Variants in SCHIP1 observed in about 807,000 individuals in gnomAD.
The protein encoded by SCHIP1 is schwannomin-interacting protein 1.
SCHIP1 carries 8 observed loss-of-function variants against 29.7 expected under a neutral mutation model. The ratio of observed to expected loss-of-function variants is 0.27; its 90% CI spans 0.16 to 0.49. The LOEUF is 0.49. Among genes scored for constraint, SCHIP1 ranks in the 20% least tolerant of loss-of-function variants. SCHIP1 has a pLI of 0.99. For missense variants in SCHIP1, 193 were observed against 294.6 expected (o/e 0.66, Z 2.52); for synonymous variants, 76 against 94.9 (o/e 0.80, Z 1.16).
the SCHIP1 span, among the ~76,000 whole-genome samples, chr3:159,610,315 T>A: frequency 6.6e-6 from 1 of 152,234 alleles, no homozygotes; most frequent in African/African-American, 2.4e-5. Context: ...TAGGAACCGT[T>A]GACTGACAGC....
At chr3:159,721,249 G>A in the SCHIP1 span, among the ~76,000 whole-genome samples, 1 of 152,326 alleles carries the variant, frequency 6.6e-6, no homozygotes, top group East Asian at 1.9e-4. Context: ...AAGAACAAAT[G>A]TTAAGAGAAA....
At chr3:159,344,520 T>C in the SCHIP1 span, among the ~76,000 whole-genome samples, 1 of 152,156 alleles carries the variant, frequency 6.6e-6, no homozygotes, top group African/African-American at 2.4e-5. Context: ...TGTCTGTTGA[T>C]CTTTCTCCCC....
At chr3:159,769,402 C>T in the SCHIP1 span, among the ~76,000 whole-genome samples, 1 of 152,184 alleles carries the variant, frequency 6.6e-6, no homozygotes, top group South Asian at 2.1e-4. Context: ...TCCTCCATGT[C>T]TAGCCTGTTC....
chr3:159,793,456 C>T, the SCHIP1 span, among the ~76,000 whole-genome samples: 13 of 152,080 alleles, frequency 8.5e-5, no homozygotes, highest in Admixed American at 5.2e-4. Flanking sequence ...ACAAACTTGG[C>T]GGGTTAAAAC....
At chr3:159,468,834 T>C in the SCHIP1 span, among the ~76,000 whole-genome samples, 1 of 149,900 alleles carries the variant, frequency 6.7e-6, no homozygotes, top group Admixed American at 6.7e-5. Context: ...TAGTGTGATC[T>C]CAGCTCACTG....
the SCHIP1 span, among the ~76,000 whole-genome samples, chr3:159,286,349 T>G: frequency 1.3e-5 from 2 of 152,194 alleles, no homozygotes; most frequent in Admixed American, 6.5e-5. Flanking sequence ...CCTGTGTTAC[T>G]TCACTTAGGA....
the SCHIP1 span, among the ~76,000 whole-genome samples, chr3:159,590,554 C>A: frequency 6.6e-6 from 1 of 151,144 alleles, no homozygotes; most frequent in African/African-American, 2.5e-5. Context: ...CCAGCCTGGG[C>A]AACAAAGCGA....
the SCHIP1 span, among the ~76,000 whole-genome samples, chr3:159,298,348 A>G: frequency 6.6e-6 from 1 of 152,220 alleles, no homozygotes; most frequent in African/African-American, 2.4e-5. Flanking sequence ...TTTTATCACA[A>G]ATCAACCATA....
the SCHIP1 span, among the ~76,000 whole-genome samples, chr3:159,751,608 G>C: frequency 6.6e-6 from 1 of 151,354 alleles, no homozygotes; most frequent in African/African-American, 2.4e-5. Flanking sequence ...GCAGTGGCAG[G>C]ATCTCGGCTC....
chr3:159,589,285 C>T, the SCHIP1 span, among the ~76,000 whole-genome samples: 4 of 152,122 alleles, frequency 2.6e-5, no homozygotes, highest in African/African-American at 4.8e-5. Flanking sequence ...TGGATAAGAA[C>T]GCTTGTGATT....
the SCHIP1 span, among the ~76,000 whole-genome samples, chr3:159,382,942 T>A: frequency 2.7e-5 from 4 of 150,696 alleles, no homozygotes; most frequent in East Asian, 1.9e-4. Context: ...TTGCCCACTT[T>A]TTGATGGGGT....
chr3:159,392,794 G>A, the SCHIP1 span, among the ~76,000 whole-genome samples: 2 of 152,102 alleles, frequency 1.3e-5, no homozygotes, highest in Non-Finnish European at 2.9e-5. Flanking sequence ...TGTCTTTATA[G>A]CAGCATGATT....
At chr3:159,814,228 A>C in the SCHIP1 span, among the ~76,000 whole-genome samples, 6 of 152,170 alleles carry the variant, frequency 3.9e-5, no homozygotes, top group Non-Finnish European at 7.4e-5. Context: ...GCTTGGATCC[A>C]CTTTGAACGC....
chr3:159,634,294 G>A, the SCHIP1 span, among the ~76,000 whole-genome samples: 4 of 152,054 alleles, frequency 2.6e-5, no homozygotes, highest in Non-Finnish European at 5.9e-5. Flanking sequence ...AAGAGGGTTA[G>A]TTTACTTTTA....
the SCHIP1 span, among the ~76,000 whole-genome samples, chr3:159,510,586 C>T: frequency 9.9e-5 from 15 of 152,082 alleles, no homozygotes; most frequent in African/African-American, 3.1e-4. Context: ...GTTTTTTCCC[C>T]ATCTTTGTGG....
the SCHIP1 span, among the ~76,000 whole-genome samples, chr3:159,471,834 G>A: frequency 2.0e-5 from 3 of 152,050 alleles, no homozygotes; most frequent in African/African-American, 4.8e-5. Flanking sequence ...TTTTAATATG[G>A]TAAATATTAA....
the SCHIP1 span, among the ~76,000 whole-genome samples, chr3:159,576,150 T>A: frequency 6.6e-6 from 1 of 152,208 alleles, no homozygotes; most frequent in Non-Finnish European, 1.5e-5. Context: ...ATGTTTGAGG[T>A]GATGGATATG....
At chr3:159,339,333 C>G in the SCHIP1 span, among the ~76,000 whole-genome samples, 1 of 151,596 alleles carries the variant, frequency 6.6e-6, no homozygotes, top group African/African-American at 2.4e-5. Context: ...CTGATTTTTG[C>G]TATTTTGGTA....
At chr3:159,890,247 G>A (rs12630257) in intron 5 of SCHIP1, among the ~76,000 whole-genome samples, 34,918 of 152,092 alleles carry the variant, frequency 0.23, 4,159 homozygotes, top group Non-Finnish European at 0.26. Flanking sequence ...TTGGCCATGA[G>A]TTGATAATTG....
Sources: gnomAD v4.1 joint callset for allele counts (sites outside exome capture counted in the v4.1 genomes callset) on GRCh38, gnomAD v4.1.1 for gene constraint, MANE v1.5 for transcripts, NCBI Gene and HGNC (gene_info 2026-07-23, HGNC 2026-07-21) for gene names.